The following HS6ST3 variants were observed in gnomAD, a reference collection of about 807,000 sequenced individuals.
HS6ST3 encodes heparan sulfate 6-O-sulfotransferase 3, also known as heparan-sulfate 6-O-sulfotransferase 3.
Under a neutral mutation model 36.7 loss-of-function variants are expected in HS6ST3, and 12 were observed. The ratio of observed to expected loss-of-function variants is 0.33; its 90% CI spans 0.21 to 0.53. HS6ST3 has a LOEUF of 0.53. Among genes scored for constraint, HS6ST3 ranks in the 20% least tolerant of loss-of-function variants. The probability of loss-of-function intolerance (pLI) is 0.95; values close to 1 mark genes in which losing one functional copy is unlikely to be tolerated. For synonymous variants in HS6ST3, 240 were observed against 257.5 expected, an observed-to-expected ratio of 0.93 and a Z score of 0.65; for missense variants, 584 against 640.9, an observed-to-expected ratio of 0.91 and a Z score of 0.96.
chr13:96,320,100 A>G (rs1043001736), intron 1 of HS6ST3, among the ~76,000 whole-genome samples: 4 of 152,208 alleles, frequency 2.6e-5, no homozygotes, highest in African/African-American at 9.6e-5. Flanking sequence ...AGAATCTATC[A>G]GAGACCTCCC....
intron 1 of HS6ST3, among the ~76,000 whole-genome samples, chr13:96,769,182 A>G (rs1216316317): frequency 1.3e-5 from 2 of 152,120 alleles, no homozygotes; most frequent in African/African-American, 2.4e-5. Flanking sequence ...GTTCATTTCA[A>G]CAGGGCAGTA....
chr13:96,743,252 A>T (rs966364466), intron 1 of HS6ST3, among the ~76,000 whole-genome samples: 2 of 152,110 alleles, frequency 1.3e-5, no homozygotes, highest in Non-Finnish European at 2.9e-5. Flanking sequence ...TGTGTTATTC[A>T]TCAGGAGTTT....
chr13:96,627,950 A>G (rs1364202677), intron 1 of HS6ST3, among the ~76,000 whole-genome samples: 1 of 151,646 alleles, frequency 6.6e-6, no homozygotes, highest in Non-Finnish European at 1.5e-5. Flanking sequence ...ATATTTGCCC[A>G]TTTTGTTTTC....
intron 1 of HS6ST3, among the ~76,000 whole-genome samples, chr13:96,306,543 G>A (rs1423929546): frequency 1.3e-5 from 2 of 152,120 alleles, no homozygotes; most frequent in Non-Finnish European, 2.9e-5. Flanking sequence ...TTTTGCTTCA[G>A]ATGGCCTGTA....
chr13:96,165,124 GC>G (rs2139331010), intron 1 of HS6ST3, among the ~76,000 whole-genome samples: 1 of 152,212 alleles, frequency 6.6e-6, no homozygotes, highest in African/African-American at 2.4e-5. Flanking sequence ...ATTTGGAGTG[GC>G]AAAGAATATG....
intron 1 of HS6ST3, among the ~76,000 whole-genome samples, chr13:96,643,809 G>T (rs1161198213): frequency 6.6e-6 from 1 of 151,904 alleles, no homozygotes; most frequent in African/African-American, 2.4e-5. Context: ...TGTTAATTAT[G>T]ATTGTGGCCT....
At chr13:96,683,875 A>G (rs1390097551) in intron 1 of HS6ST3, among the ~76,000 whole-genome samples, 1 of 152,104 alleles carries the variant, frequency 6.6e-6, no homozygotes, top group Non-Finnish European at 1.5e-5. Flanking sequence ...ATTAAATGTG[A>G]GTAGATGGAT....
At chr13:96,470,690 C>T (rs1032397234) in intron 1 of HS6ST3, among the ~76,000 whole-genome samples, 3 of 152,202 alleles carry the variant, frequency 2.0e-5, no homozygotes, top group African/African-American at 7.2e-5. Flanking sequence ...ACCCACTGCA[C>T]TCTTGCCTCT....
chr13:96,769,108 G>A (rs77129752), intron 1 of HS6ST3, among the ~76,000 whole-genome samples: 6 of 152,010 alleles, frequency 3.9e-5, no homozygotes, highest in Middle Eastern at 6.8e-3. Flanking sequence ...GTGCACGCAC[G>A]TGCCCCACCT....
chr13:96,109,987 C>T (rs1170604601), intron 1 of HS6ST3, among the ~76,000 whole-genome samples: 1 of 152,156 alleles, frequency 6.6e-6, no homozygotes, highest in East Asian at 1.9e-4. Context: ...GGTGTGGGCA[C>T]AGAGCTGCAA....
rs562004054 is a variant in HS6ST3, at chr13:96,177,609, G to C, written c.707+86040G>C. ...TAAGAATGATATGAACCCAAAGAAGGAAACAACAGATATGGGGGTCTTGTT... is the reference window on the plus strand; with the variant it reads ...TAAGAATGATATGAACCCAAAGAAGCAAACAACAGATATGGGGGTCTTGTT... On this transcript the variant is annotated intron_variant, in intron 1 of 1. Transcript: ENST00000376705. Among the ~76,000 whole-genome samples, 107 of 151,882 alleles carry C rather than the reference G, an allele frequency of 7.0e-4. 1 individual carries two copies. The highest frequency in any genetic ancestry group is 2.3e-3 in the African/African-American group (95 of 41,466).
At chr13:96,764,328 GA>G (rs1877042656) in intron 1 of HS6ST3, among the ~76,000 whole-genome samples, 1 of 151,858 alleles carries the variant, frequency 6.6e-6, no homozygotes. Flanking sequence ...GATGGAAAAG[GA>G]AAAAAAGGGA....
chr13:96,632,620 C>G (rs562530254), intron 1 of HS6ST3, among the ~76,000 whole-genome samples: 1 of 152,182 alleles, frequency 6.6e-6, no homozygotes, highest in Non-Finnish European at 1.5e-5. Context: ...TAAATGTATG[C>G]TCTCAGTGAA....
chr13:96,449,046 C>T lies in HS6ST3; in HGVS notation c.707+357477C>T, dbSNP rs965432075. Among the ~76,000 whole-genome samples the T allele has an allele frequency of 2.6e-5, 4 of 152,122 alleles. No individual in the cohort carries two copies. The East Asian group carries it at 5.8e-4, about 22-fold the overall frequency. Reference sequence around the variant, plus strand: ...GTGTGATCATAGCTCACTGCTGCCTCGACTTCCTGGGTTCAAGGAATCCTC... The same window carrying T: ...GTGTGATCATAGCTCACTGCTGCCTTGACTTCCTGGGTTCAAGGAATCCTC... On this transcript the variant is annotated intron_variant, in intron 1 of 1. Transcript: ENST00000376705.
intron 1 of HS6ST3, among the ~76,000 whole-genome samples, chr13:96,478,090 A>G (rs939542717): frequency 6.6e-6 from 1 of 152,284 alleles, no homozygotes; most frequent in South Asian, 2.1e-4. Context: ...TAACTAATTA[A>G]TATTTGCTCA....
At chr13:96,521,546 T>C (rs2056093589) in intron 1 of HS6ST3, among the ~76,000 whole-genome samples, 1 of 152,202 alleles carries the variant, frequency 6.6e-6, no homozygotes, top group Non-Finnish European at 1.5e-5. Context: ...ATTGGTCTAT[T>C]CAGAGATTCA....
chr13:96,195,175 C>T (rs969125163), intron 1 of HS6ST3, among the ~76,000 whole-genome samples: 4 of 152,008 alleles, frequency 2.6e-5, no homozygotes, highest in Admixed American at 2.0e-4. Context: ...AAAACTAAAA[C>T]GGGAAACAAA....
chr13:96,716,899 G>GT (rs1240378119), intron 1 of HS6ST3, among the ~76,000 whole-genome samples: 1 of 152,220 alleles, frequency 6.6e-6, no homozygotes, highest in Non-Finnish European at 1.5e-5. Context: ...TGGGCCAAGT[G>GT]TAAGATCAAG....
chr13:96,515,449 A>C (rs1360240315), intron 1 of HS6ST3, among the ~76,000 whole-genome samples: 1 of 152,174 alleles, frequency 6.6e-6, no homozygotes, highest in Non-Finnish European at 1.5e-5. Flanking sequence ...TCTTTCCTGC[A>C]CATGCAGAGC....
Sources: gnomAD v4.1 joint callset for allele counts (sites outside exome capture counted in the v4.1 genomes callset) on GRCh38, gnomAD v4.1.1 for gene constraint, MANE v1.5 for transcripts, NCBI Gene and HGNC (gene_info 2026-07-23, HGNC 2026-07-21) for gene names.